SLC44A5: variants seen among roughly 807,000 people sequenced by gnomAD.
SLC44A5 encodes choline transporter-like protein 5.
A neutral mutation model predicts 101.8 loss-of-function variants in SLC44A5; 57 were observed. The ratio of observed to expected loss-of-function variants is 0.56; its 90% confidence interval spans 0.45 to 0.70. The LOEUF is 0.70. SLC44A5 is among the 30% of genes least tolerant of loss of function. The pLI, the probability that SLC44A5 is intolerant of heterozygous loss-of-function variation, is 0.00. For missense variants in SLC44A5, 737 were observed against 853.1 expected (o/e 0.86, Z 1.70); for synonymous variants, 281 against 290.9 (o/e 0.97, Z 0.35).
intron 3 of SLC44A5, among the ~76,000 whole-genome samples, chr1:75,366,517 G>A (rs969918022): frequency 6.6e-6 from 1 of 152,040 alleles, no homozygotes; most frequent in Non-Finnish European, 1.5e-5. Flanking sequence ...TATTTTAGTT[G>A]ACCTTTCTTG....
Position 75,413,124 on chromosome 1 carries a change from T to C in SLC44A5, c.14-16503A>G, listed in dbSNP as rs534766119. ...TTTTATTATGCTATGTTATTACAAT[T>C]GTCCTATTTATTAGCTATTTTTAAT... On this transcript the variant is annotated intron_variant, in intron 2 of 23. Coordinates refer to ENST00000370859, the MANE Select transcript of SLC44A5 (RefSeq NM_001130058.2). 3.9e-5 allele frequency among the ~76,000 whole-genome samples: 6 copies of C among 152,326 alleles called. No individual in the cohort carries two copies. In the East Asian group the frequency reaches 1.2e-3, roughly 29 times the overall value.
intron 2 of SLC44A5, among the ~76,000 whole-genome samples, chr1:75,449,601 G>A (rs1251395926): frequency 6.6e-6 from 1 of 152,034 alleles, no homozygotes; most frequent in African/African-American, 2.4e-5. Context: ...TCATTAAATG[G>A]GCCTTTCAGA....
At chr1:75,329,985 G>T (rs1198938689) in intron 4 of SLC44A5, among the ~76,000 whole-genome samples, 1 of 151,584 alleles carries the variant, frequency 6.6e-6, no homozygotes, top group Admixed American at 6.6e-5. Flanking sequence ...TGTAATTTAG[G>T]TATCTAATAT....
At chr1:75,354,283 T>G (rs1414061375) in intron 3 of SLC44A5, among the ~76,000 whole-genome samples, 18 of 152,192 alleles carry the variant, frequency 1.2e-4, no homozygotes, top group Non-Finnish European at 5.9e-5. Flanking sequence ...TCAGGTTATT[T>G]CATTTCCAAT....
intron 2 of SLC44A5, among the ~76,000 whole-genome samples, chr1:75,535,910 T>C (rs986501463): frequency 6.6e-6 from 1 of 151,978 alleles, no homozygotes; most frequent in Non-Finnish European, 1.5e-5. Context: ...ACTACCACTT[T>C]CATAATAAAA....
At chr1:75,383,235 T>C (rs1204565545) in intron 3 of SLC44A5, among the ~76,000 whole-genome samples, 1 of 120,842 alleles carries the variant, frequency 8.3e-6, no homozygotes, top group Non-Finnish European at 1.7e-5. Context: ...CACAATTGTC[T>C]TGTGACCCTG....
the SLC44A5 span, among the ~76,000 whole-genome samples, chr1:75,633,204 C>G: frequency 0.21 from 32,593 of 152,104 alleles, 4,508 homozygotes; most frequent in Middle Eastern, 0.36. Flanking sequence ...GCGATGCGGG[C>G]TCTTTTTTGG....
intron 20 of SLC44A5, among the ~76,000 whole-genome samples, chr1:75,214,372 A>T (rs1646919934): frequency 1.3e-5 from 2 of 152,128 alleles, no homozygotes; most frequent in Admixed American, 1.3e-4. Flanking sequence ...AGAGGGGATA[A>T]TAAAAATGAA....
chr1:75,237,534 A>C (rs1278883686), intron 10 of SLC44A5, among the ~76,000 whole-genome samples: 1 of 152,128 alleles, frequency 6.6e-6, no homozygotes, highest in Non-Finnish European at 1.5e-5. Flanking sequence ...GAACACATTT[A>C]TGTAACTACA....
At position 75,586,369 on chromosome 1, in the gene SLC44A5, A is replaced by ATGTGTGTG. The variant is rs138209068; in HGVS notation, c.-70+24663_-70+24670dup. ...TATAAATCTCTTTCTGTATGTATAT[A>ATGTGTGTG]TGTGTGTGTGTGTGTGTTTGTGTGT... On this transcript the variant is annotated intron_variant, in intron 1 of 23. Transcript: ENST00000370859. Among the ~76,000 whole-genome samples, 136 of 138,914 alleles carry ATGTGTGTG rather than the reference A, an allele frequency of 9.8e-4. 1 individual carries two copies. Among genetic ancestry groups the ATGTGTGTG allele is most frequent in the African/African-American group, 3.5e-3 (131 of 37,588 alleles). 91.1% of individuals were successfully genotyped at this position (138,914 alleles called of 152,430 possible).
At chr1:75,362,255 AT>A (rs56767800) in intron 3 of SLC44A5, among the ~76,000 whole-genome samples, 10 of 149,398 alleles carry the variant, frequency 6.7e-5, no homozygotes, top group Admixed American at 2.0e-4. Flanking sequence ...CGTTTCATTG[AT>A]TTTTTTTCTA....
chr1:75,550,645 C>G (rs2101979276), intron 1 of SLC44A5, among the ~76,000 whole-genome samples: 1 of 152,128 alleles, frequency 6.6e-6, no homozygotes, highest in South Asian at 2.1e-4. Context: ...GGAGTAATCT[C>G]CATACATGGA....
chr1:75,682,568 C>G, the SLC44A5 span, among the ~76,000 whole-genome samples: 1 of 151,944 alleles, frequency 6.6e-6, no homozygotes, highest in South Asian at 2.1e-4. Context: ...AAAGCTGAAA[C>G]TGGATCCCTT....
chr1:75,696,262 A>G, the SLC44A5 span, among the ~76,000 whole-genome samples: 3,110 of 152,306 alleles, frequency 0.02, 53 homozygotes, highest in Middle Eastern at 0.048. Flanking sequence ...CAAAGGTGAC[A>G]TGTGTCACTT....
At chr1:75,633,702 T>C in the SLC44A5 span, among the ~76,000 whole-genome samples, 1 of 151,846 alleles carries the variant, frequency 6.6e-6, no homozygotes, top group African/African-American at 2.4e-5. Context: ...CCTAATTGAA[T>C]ACCCTTTATT....
At position 75,541,253 on chromosome 1, in the gene SLC44A5, C is replaced by G. The variant is rs577651158; in HGVS notation, c.13+182G>C. Among the ~76,000 whole-genome samples, 11 of 152,274 alleles carry G rather than the reference C, an allele frequency of 7.2e-5. No individual in the cohort carries two copies. In the South Asian group the frequency reaches 2.3e-3, roughly 32 times the overall value. ...AGGAAGACGTCATGCGTCTCAGAATCTTGAGACAGGCAAAGACGGAGAACC... is the reference window on the plus strand; with the variant it reads ...AGGAAGACGTCATGCGTCTCAGAATGTTGAGACAGGCAAAGACGGAGAACC... On this transcript the variant is annotated intron_variant, in intron 2 of 23. Transcript: ENST00000370859.
intron 2 of SLC44A5, among the ~76,000 whole-genome samples, chr1:75,466,360 T>C (rs533359197): frequency 1.1e-4 from 16 of 152,048 alleles, no homozygotes; most frequent in Admixed American, 3.3e-4. Context: ...CAACTAGAAA[T>C]AGAAAGAACA....
intron 2 of SLC44A5, among the ~76,000 whole-genome samples, chr1:75,540,719 G>A (rs1671312769): frequency 6.6e-6 from 1 of 151,824 alleles, no homozygotes. Flanking sequence ...TTCATAGCAA[G>A]AGATAGATTT....
the SLC44A5 span, among the ~76,000 whole-genome samples, chr1:75,658,779 G>A: frequency 6.6e-6 from 1 of 151,914 alleles, no homozygotes; most frequent in Non-Finnish European, 1.5e-5. Context: ...ATAAATGACA[G>A]AGCAGAAATA....
Sources: gnomAD v4.1 joint callset for allele counts (sites outside exome capture counted in the v4.1 genomes callset) on GRCh38, gnomAD v4.1.1 for gene constraint, MANE v1.5 for transcripts, NCBI Gene and HGNC (gene_info 2026-07-23, HGNC 2026-07-21) for gene names.